Variants in RAB5B observed in about 807,000 individuals in gnomAD.
The protein encoded by RAB5B is RAB5B, member RAS oncogene family.
A neutral mutation model predicts 28.6 loss-of-function variants in RAB5B; 11 were observed. That is an observed-to-expected ratio of 0.38 (90% confidence interval 0.24 to 0.64). The LOEUF is 0.64. RAB5B is among the 30% of genes least tolerant of loss of function. The probability of loss-of-function intolerance (pLI) is 0.53; values close to 1 mark genes in which losing one functional copy is unlikely to be tolerated. For missense variants in RAB5B, 169 were observed against 265.6 expected, an observed-to-expected ratio of 0.64 and a Z score of 2.53; for synonymous variants, 93 against 97.9, an observed-to-expected ratio of 0.95 and a Z score of 0.29.
At chr12:55,988,149 C>CA (rs1462509236) in intron 2 of RAB5B, among the ~76,000 whole-genome samples, 2 of 151,148 alleles carry the variant, frequency 1.3e-5, no homozygotes, top group African/African-American at 4.9e-5. Context: ...AAATCCGTCT[C>CA]AAAAAAACAA....
At chr12:55,991,704 G>A (rs58074264) in intron 5 of RAB5B, 133 of 435,988 alleles carry the variant, frequency 3.1e-4, no homozygotes, top group African/African-American at 2.1e-3. Context: ...CGAGGCGGGC[G>A]GATCACGAGG....
intron 1 of RAB5B, among the ~76,000 whole-genome samples, chr12:55,975,295 A>T (rs573718657): frequency 2.6e-5 from 4 of 152,188 alleles, no homozygotes; most frequent in South Asian, 4.1e-4. Flanking sequence ...GTCCGAAACT[A>T]TGCGGTGATA....
chr12:55,980,441 T>A (rs997118022), intron 1 of RAB5B: 38 of 1,588,652 alleles, frequency 2.4e-5, no homozygotes, highest in Non-Finnish European at 3.2e-5. Context: ...GGAGCACTTG[T>A]TGGTGTTCTT....
chr12:55,987,223 C>T, intron 2 of RAB5B, 100 bp downstream of exon 2: 1 of 1,234,982 alleles, frequency 8.1e-7, no homozygotes, highest in Non-Finnish European at 1.1e-6. Context: ...TGCAGTGGCG[C>T]AATCTTGGCT....
intron 1 of RAB5B, among the ~76,000 whole-genome samples, chr12:55,979,766 G>A (rs1889747371): frequency 6.6e-6 from 1 of 152,068 alleles, no homozygotes; most frequent in African/African-American, 2.4e-5. Flanking sequence ...ACTGAATAGA[G>A]GCAGGAACTC....
At chr12:55,978,419 G>C (rs1592793155) in intron 1 of RAB5B, among the ~76,000 whole-genome samples, 1 of 152,042 alleles carries the variant, frequency 6.6e-6, no homozygotes, top group Admixed American at 6.5e-5. Context: ...CAGGAGAATG[G>C]CGTGAACCTG....
At chr12:55,991,313 C>A in intron 4 of RAB5B, 47 bp from the exon 5 acceptor site, 1 of 1,451,084 alleles carries the variant, frequency 6.9e-7, no homozygotes, top group Non-Finnish European at 9.7e-7. Context: ...AGGCAATACT[C>A]GTTCCCACCC....
Position 55,980,711 on chromosome 12 carries a change from T to G in RAB5B, c.-92-6158T>G, listed in dbSNP as rs1889780037. The G allele has an allele frequency of 1.9e-6, 3 of 1,579,090 alleles. No homozygotes were observed. The African/African-American group carries it at 4.0e-5, about 21-fold the overall frequency. ...GTGCTCCACCCCAGCTGAGGCATTCTCCATGATGCTTTTCATCCAGTTCTG... is the reference window on the plus strand; with the variant it reads ...GTGCTCCACCCCAGCTGAGGCATTCGCCATGATGCTTTTCATCCAGTTCTG... On this transcript the variant is annotated intron_variant, in intron 1 of 5. Coordinates refer to ENST00000360299, the MANE Select transcript of RAB5B (RefSeq NM_002868.4).
chr12:55,991,577 T>A, intron 5 of RAB5B, 124 bp downstream of exon 5: 5 of 705,562 alleles, frequency 7.1e-6, no homozygotes, highest in Non-Finnish European at 1.2e-5. Context: ...GGAAATACCT[T>A]AACTTTCTGT....
intron 1 of RAB5B, among the ~76,000 whole-genome samples, chr12:55,974,695 T>C (rs761452594): frequency 2.6e-5 from 4 of 151,900 alleles, no homozygotes; most frequent in Non-Finnish European, 5.9e-5. Flanking sequence ...TTGGGTTCAG[T>C]GAGGGAGAAC....
intron 1 of RAB5B, 23 bp from the exon 2 acceptor site, chr12:55,986,846 T>G: frequency 1.2e-6 from 1 of 807,684 alleles, no homozygotes; most frequent in East Asian, 2.7e-5. Flanking sequence ...ATGTTTAATT[T>G]TATTCACTTT....
At chr12:55,982,062 A>G (rs1592797183) in intron 1 of RAB5B, among the ~76,000 whole-genome samples, 1 of 151,986 alleles carries the variant, frequency 6.6e-6, no homozygotes, top group South Asian at 2.1e-4. Flanking sequence ...TCAGCCTCCC[A>G]AAGTGCTGGG....
At chr12:55,975,373 C>G (rs2136467636) in intron 1 of RAB5B, among the ~76,000 whole-genome samples, 1 of 152,222 alleles carries the variant, frequency 6.6e-6, no homozygotes, top group African/African-American at 2.4e-5. Flanking sequence ...ACCCCTTGTT[C>G]TTTGTCTACT....
At chr12:55,982,573 C>T (rs1289217077) in intron 1 of RAB5B, among the ~76,000 whole-genome samples, 1 of 151,986 alleles carries the variant, frequency 6.6e-6, no homozygotes, top group Non-Finnish European at 1.5e-5. Flanking sequence ...GTATTACAGG[C>T]GTGAACCATG....
At chr12:55,979,469 A>T (rs1310499292) in intron 1 of RAB5B, 1 of 152,158 alleles carries the variant, frequency 6.6e-6, no homozygotes, top group East Asian at 1.9e-4. Flanking sequence ...GGAGAGGGAG[A>T]TGAAGGTATT....
intron 1 of RAB5B, among the ~76,000 whole-genome samples, chr12:55,986,252 A>G (rs1444412808): frequency 1.3e-5 from 2 of 152,324 alleles, no homozygotes; most frequent in Middle Eastern, 3.4e-3. Context: ...TTCTTAGACT[A>G]GTCTGACCAA....
In RAB5B at chr12:55,994,315, C is replaced by T. The variant is rs905868197; in HGVS notation, c.*2103C>T. Reference sequence around the variant, plus strand: ...TGAAGTTCTTTCTCTGTGCAGCTTTCCCCCTTGGAGCAGGAGTGAAGATGT... The same window carrying T: ...TGAAGTTCTTTCTCTGTGCAGCTTTTCCCCTTGGAGCAGGAGTGAAGATGT... On this transcript the variant is annotated 3_prime_UTR_variant, in exon 6 of 6. Transcript: ENST00000360299. 2.0e-5 allele frequency: 3 copies of T among 152,252 alleles called. No homozygotes were observed. Among genetic ancestry groups the T allele is most frequent in the African/African-American group, 7.2e-5 (3 of 41,418 alleles). The allele number at this position is 152,252 out of a possible 1,614,324, so 9.4% of individuals were successfully genotyped here.
intron 1 of RAB5B, among the ~76,000 whole-genome samples, chr12:55,977,226 C>T (rs1392937164): frequency 1.3e-5 from 2 of 152,106 alleles, no homozygotes; most frequent in African/African-American, 4.8e-5. Flanking sequence ...CCACGTGCCT[C>T]AGCCTCCCAA....
intron 1 of RAB5B, chr12:55,985,810 A>C (rs1889936990): frequency 4.5e-6 from 2 of 445,246 alleles, no homozygotes; most frequent in Non-Finnish European, 9.0e-6. Flanking sequence ...AGGCACCAGC[A>C]AGACAGCTGC....
Sources: allele counts gnomAD v4.1 joint callset (sites outside exome capture counted in the v4.1 genomes callset), GRCh38; gene constraint gnomAD v4.1.1; transcripts MANE v1.5; gene names NCBI Gene and HGNC (gene_info 2026-07-23, HGNC 2026-07-21).